CADPS: variants seen among roughly 807,000 people sequenced by gnomAD.
CADPS encodes the protein calcium dependent secretion activator.
Under a neutral mutation model 167.3 loss-of-function variants are expected in CADPS, and 57 were observed. The observed-to-expected ratio is 0.34, with a 90% CI of 0.28 to 0.42. The LOEUF is 0.42. Among genes scored for constraint, CADPS ranks in the 20% least tolerant of loss-of-function variants. The pLI is 1.00. For synonymous variants in CADPS, 676 were observed against 635.3 expected (o/e 1.06, Z -0.96); for missense variants, 1,414 against 1,738.1 (o/e 0.81, Z 3.32).
chr3:62,400,188 C>T (rs1240389659), intron 29 of CADPS, among the ~76,000 whole-genome samples: 4 of 152,188 alleles, frequency 2.6e-5, no homozygotes, highest in Admixed American at 6.5e-5. Context: ...CATTTCTTCT[C>T]TCCTTGGGAA....
At position 62,584,469 on chromosome 3, in the gene CADPS, C is replaced by T. The variant is rs1202103765; in HGVS notation, c.1577+716G>A. Among the ~76,000 whole-genome samples, 3 of 152,224 alleles carry T rather than the reference C, an allele frequency of 2.0e-5. No individual in the cohort carries two copies. In the East Asian group the frequency reaches 5.8e-4, roughly 29 times the overall value. On this transcript the variant is annotated intron_variant, in intron 8 of 29. Transcript: ENST00000383710. ...CAGAATACCCGCCAAACACTCCATT[C>T]CCTTCTACTAAACTTTCCCTTTTCA... is the stretch of plus-strand genomic sequence containing the variant.
At chr3:62,407,946 G>A (rs2048231609) in intron 28 of CADPS, among the ~76,000 whole-genome samples, 1 of 152,144 alleles carries the variant, frequency 6.6e-6, no homozygotes, top group African/African-American at 2.4e-5. Flanking sequence ...TGTTGGCCAG[G>A]CTGGTCTTGA....
In CADPS at chr3:62,421,087, T is replaced by C. The variant is rs1003388017; in HGVS notation, c.3777+17017A>G. ...TCCACCAGCCAGGAGGTAAGAAGTC[T>C]GCGTCAGGTCCCCCATTGAAGTGTT... is the stretch of plus-strand genomic sequence containing the variant. On this transcript the variant is annotated intron_variant, in intron 28 of 29. Coordinates refer to ENST00000383710, the MANE Select transcript of CADPS (RefSeq NM_003716.4). This position sits in a 1 kb window ranked among gnomAD's most constrained non-coding sequence, Gnocchi z 4.7. Among the ~76,000 whole-genome samples the C allele has an allele frequency of 2.0e-5, 3 of 152,144 alleles. No individual in the cohort carries two copies. The highest frequency in any genetic ancestry group is 4.8e-5 in the African/African-American group (2 of 41,434).
At chr3:62,651,889 T>G (rs1397819258) in intron 4 of CADPS, among the ~76,000 whole-genome samples, 1 of 132,428 alleles carries the variant, frequency 7.6e-6, no homozygotes, top group African/African-American at 2.7e-5. Flanking sequence ...GCCAAGTCAG[T>G]TTGACATTTT....
At chr3:62,646,318 C>G (rs1317513520) in intron 5 of CADPS, among the ~76,000 whole-genome samples, 1 of 151,980 alleles carries the variant, frequency 6.6e-6, no homozygotes, top group East Asian at 1.9e-4. Context: ...GTGCACGCCA[C>G]CATGCCCAGC....
intron 11 of CADPS, among the ~76,000 whole-genome samples, chr3:62,537,875 A>T (rs1323018031): frequency 7.2e-5 from 11 of 152,034 alleles, no homozygotes; most frequent in Admixed American, 7.2e-4. Context: ...TGGTATGGTC[A>T]GATTTATACC....
At chr3:62,479,057 G>C (rs1263971339) in intron 22 of CADPS, among the ~76,000 whole-genome samples, 1 of 152,196 alleles carries the variant, frequency 6.6e-6, no homozygotes, top group Non-Finnish European at 1.5e-5. Flanking sequence ...CCATTGCATA[G>C]GCAGGGTCCT....
rs749565564 is a variant in CADPS, at chr3:62,874,806, G to GCCCCGCCGCCGCTGCTCGCGCCGCTGC, written c.197_223dup (p.Gly66_Gly74dup). 85 of 1,160,084 alleles carry GCCCCGCCGCCGCTGCTCGCGCCGCTGC rather than the reference G, an allele frequency of 7.3e-5. No homozygotes were observed. Among genetic ancestry groups the GCCCCGCCGCCGCTGCTCGCGCCGCTGC allele is most frequent in the Non-Finnish European group, 8.7e-5 (80 of 915,806 alleles). 71.9% of individuals were successfully genotyped at this position (1,160,084 alleles called of 1,614,324 possible). A position where few individuals can be genotyped will look rare whatever the true frequency, so the allele number is the denominator to read the frequency against. ...GCGGCTGCTGGGTTGCAGCCCCCCG[G>GCCCCGCCGCCGCTGCTCGCGCCGCTGC]CCCCGCCGCCGCTGCTCGCGCCGCT... On this transcript the variant is annotated inframe_insertion, in exon 1 of 30. Coordinates refer to ENST00000383710, the MANE Select transcript of CADPS (RefSeq NM_003716.4). This position sits in a 1 kb window ranked among gnomAD's most constrained non-coding sequence, Gnocchi z 7.1.
intron 1 of CADPS, among the ~76,000 whole-genome samples, chr3:62,773,274 A>T (rs913517332): frequency 2.0e-5 from 3 of 152,092 alleles, no homozygotes; most frequent in Non-Finnish European, 2.9e-5. Flanking sequence ...CATCATCTTA[A>T]CCAAATATTT....
intron 1 of CADPS, among the ~76,000 whole-genome samples, chr3:62,782,832 T>A (rs985731374): frequency 4.0e-5 from 6 of 151,146 alleles, no homozygotes; most frequent in Admixed American, 2.0e-4. Context: ...CGATCTCATC[T>A]CACTGCAACC....
intron 1 of CADPS, among the ~76,000 whole-genome samples, chr3:62,770,236 C>T (rs1288400405): frequency 6.6e-6 from 1 of 152,190 alleles, no homozygotes. Flanking sequence ...GGAAGCTCTT[C>T]CCTGACCATT....
chr3:62,661,407 G>A (rs538263808), intron 4 of CADPS, among the ~76,000 whole-genome samples: 1 of 152,260 alleles, frequency 6.6e-6, no homozygotes, highest in South Asian at 2.1e-4. Context: ...GTTACTCCAG[G>A]TTGAGACACC....
At chr3:62,638,233 T>C (rs781528001) in intron 6 of CADPS, among the ~76,000 whole-genome samples, 2 of 152,068 alleles carry the variant, frequency 1.3e-5, no homozygotes, top group Non-Finnish European at 2.9e-5. Flanking sequence ...CATGACACCA[T>C]ACTGCTTGTG....
chr3:62,576,113 A>C (rs2082216845), intron 8 of CADPS, among the ~76,000 whole-genome samples: 1 of 152,184 alleles, frequency 6.6e-6, no homozygotes, highest in African/African-American at 2.4e-5. Flanking sequence ...CTCACACTAC[A>C]GGCAGATCTA....
intron 1 of CADPS, among the ~76,000 whole-genome samples, chr3:62,799,184 A>G (rs114759509): frequency 0.011 from 1,736 of 152,246 alleles, 29 homozygotes; most frequent in African/African-American, 0.039. Context: ...TGTTGACAGC[A>G]CTTTACTTGG....
At chr3:62,546,309 T>C (rs2076441851) in intron 11 of CADPS, among the ~76,000 whole-genome samples, 1 of 152,160 alleles carries the variant, frequency 6.6e-6, no homozygotes, top group South Asian at 2.1e-4. Context: ...TGGTAGTACC[T>C]GGTGACCAAT....
At chr3:62,745,849 G>T (rs560521225) in intron 3 of CADPS, among the ~76,000 whole-genome samples, 2 of 152,222 alleles carry the variant, frequency 1.3e-5, no homozygotes, top group Admixed American at 6.5e-5. Context: ...AGTGTTGGCT[G>T]TATAGTGGTG....
intron 3 of CADPS, among the ~76,000 whole-genome samples, chr3:62,716,350 G>A (rs1481154919): frequency 1.3e-5 from 2 of 152,138 alleles, no homozygotes; most frequent in East Asian, 3.9e-4. Context: ...CATTGTGCCT[G>A]GCCTATGATA....
chr3:62,572,527 C>G lies in CADPS; in HGVS notation c.1578-1589G>C, dbSNP rs187388643. On this transcript the variant is annotated intron_variant, in intron 8 of 29. Transcript: ENST00000383710. ...GCTAAAATTCCTTCAGTGCCTCCCCCCTACCCCCACCATTTATATGAAAAG... is the reference window on the plus strand; with the variant it reads ...GCTAAAATTCCTTCAGTGCCTCCCCGCTACCCCCACCATTTATATGAAAAG... 1.4e-3 allele frequency among the ~76,000 whole-genome samples: 213 copies of G among 152,264 alleles called. 2 individuals carry two copies. Among genetic ancestry groups the G allele is most frequent in the African/African-American group, 4.8e-3 (200 of 41,552 alleles).
Sources: gnomAD v4.1 joint callset for allele counts (sites outside exome capture counted in the v4.1 genomes callset) on GRCh38, gnomAD v4.1.1 for gene constraint, Gnocchi (gnomAD v3.1) non-coding constraint, MANE v1.5 for transcripts, NCBI Gene and HGNC (gene_info 2026-07-23, HGNC 2026-07-21) for gene names.